The following PDZD8 variants were observed in gnomAD, a reference collection of about 807,000 sequenced individuals.
The protein encoded by PDZD8 is PDZ domain containing 8.
A neutral mutation model predicts 85.8 loss-of-function variants in PDZD8; 14 were observed. The ratio of observed to expected loss-of-function variants is 0.16; its 90% CI spans 0.11 to 0.26. The LOEUF is 0.26. Among genes scored for constraint, PDZD8 ranks in the 10% least tolerant of loss-of-function variants. The pLI, the probability that PDZD8 is intolerant of heterozygous loss-of-function variation, is 1.00. For synonymous variants in PDZD8, 592 were observed against 568.6 expected (o/e 1.04, Z -0.59); for missense variants, 1,197 against 1,424.3 (o/e 0.84, Z 2.57).
At chr10:117,333,121 A>AAAAAACAAAAC (rs1191675009) in intron 2 of PDZD8, among the ~76,000 whole-genome samples, 1 of 137,586 alleles carries the variant, frequency 7.3e-6, no homozygotes, top group African/African-American at 2.9e-5. Flanking sequence ...CTGTCTCAAA[A>AAAAAACAAAAC]AAAAAAAAAA....
chr10:117,343,072 C>T (rs1463854212), intron 1 of PDZD8, among the ~76,000 whole-genome samples: 1 of 59,702 alleles, frequency 1.7e-5, no homozygotes, highest in Non-Finnish European at 5.3e-5. Flanking sequence ...CTGCATCCAT[C>T]ATCCATACCT....
chr10:117,326,693 C>G (rs1307831820), intron 2 of PDZD8, among the ~76,000 whole-genome samples: 1 of 152,112 alleles, frequency 6.6e-6, no homozygotes, highest in Non-Finnish European at 1.5e-5. Context: ...ACTAGTGGTC[C>G]CTTGCATAGA....
At chr10:117,326,475 T>C (rs550926983) in intron 2 of PDZD8, among the ~76,000 whole-genome samples, 1 of 152,332 alleles carries the variant, frequency 6.6e-6, no homozygotes, top group South Asian at 2.1e-4. Flanking sequence ...TCACCTCTCT[T>C]AATGCCTTGC....
chr10:117,319,683 T>G (rs1221907813), intron 2 of PDZD8, among the ~76,000 whole-genome samples: 1 of 152,114 alleles, frequency 6.6e-6, no homozygotes, highest in Non-Finnish European at 1.5e-5. Flanking sequence ...CTGTTTAATA[T>G]TTAGATCTAA....
chr10:117,304,742 T>A (rs1843905996), intron 3 of PDZD8, among the ~76,000 whole-genome samples: 1 of 152,142 alleles, frequency 6.6e-6, no homozygotes, highest in Non-Finnish European at 1.5e-5. Flanking sequence ...GGTTTCTGCT[T>A]TTGCTTCTTC....
chr10:117,284,267 A>G lies in PDZD8; in HGVS notation c.2466T>C (p.Ser822=), dbSNP rs1220844093. Residue 822 remains serine, a synonymous_variant, in exon 5 of 5, where the codon TCT becomes TCC. Transcript: ENST00000334464. ...CAAATTGCTCCTCTTTAGGGAGAAC[A>G]GAAACTTCTTCAACCAAATGGGGTT... ...EKEPHLVEEV[S]VLPKEEQFVG... 5.0e-6 allele frequency: 8 copies of G among 1,614,180 alleles called. No homozygotes were observed. Among genetic ancestry groups the G allele is most frequent in the African/African-American group, 1.3e-5 (1 of 75,054 alleles).
intron 2 of PDZD8, among the ~76,000 whole-genome samples, chr10:117,336,738 T>A (rs1223535397): frequency 1.3e-5 from 2 of 151,662 alleles, no homozygotes; most frequent in East Asian, 3.9e-4. Context: ...ACCAAAATAA[T>A]TAAGGACAGT....
chr10:117,333,132 A>AAAAAAAC (rs1844457201), intron 2 of PDZD8, among the ~76,000 whole-genome samples: 2 of 148,930 alleles, frequency 1.3e-5, no homozygotes, highest in East Asian at 2.0e-4. Flanking sequence ...AAAAAAAAAA[A>AAAAAAAC]AAAAAAAAAA....
chr10:117,336,067 G>A (rs1157877855), intron 2 of PDZD8, among the ~76,000 whole-genome samples: 2 of 152,206 alleles, frequency 1.3e-5, no homozygotes, highest in Non-Finnish European at 2.9e-5. Flanking sequence ...TCTTGAAGAT[G>A]AGACCCAAGT....
intron 3 of PDZD8, among the ~76,000 whole-genome samples, chr10:117,292,587 T>C (rs113747578): frequency 0.21 from 31,494 of 151,808 alleles, 3,845 homozygotes; most frequent in Middle Eastern, 0.34. Flanking sequence ...TGTTTTTTTT[T>C]TTTGTTATTT....
chr10:117,340,568 CACCCACTTCAAG>C (rs1180828908), intron 2 of PDZD8, among the ~76,000 whole-genome samples: 2 of 152,216 alleles, frequency 1.3e-5, no homozygotes, highest in African/African-American at 4.8e-5. Context: ...CCCAATCTCT[CACCCACTTCAAG>C]ACCTCACTGC....
rs531357362 is a variant in PDZD8, at chr10:117,284,811, G to T, written c.1922C>A (p.Ala641Asp). 5 of 1,614,194 alleles carry T rather than the reference G, an allele frequency of 3.1e-6. No individual in the cohort carries two copies. The highest frequency in any genetic ancestry group is 4.2e-6 in the Non-Finnish European group (5 of 1,180,032). The part of the protein sequence containing the change: ...SAEKQAKNVD[A>D]IDDAAAPKQF... ...CTTAGGTGCAGCTGCATCGTCTATGGCATCCACATTTTTTGCTTGCTTTTC... is the reference window on the plus strand; with the variant it reads ...CTTAGGTGCAGCTGCATCGTCTATGTCATCCACATTTTTTGCTTGCTTTTC... Residue 641 changes from alanine to aspartate, a missense_variant, in exon 5 of 5, where the codon GCC becomes GAC. Transcript: ENST00000334464.
intron 1 of PDZD8, among the ~76,000 whole-genome samples, chr10:117,343,333 T>C (rs1310268511): frequency 6.6e-6 from 1 of 152,086 alleles, no homozygotes; most frequent in Non-Finnish European, 1.5e-5. Context: ...GTTTCTAAAC[T>C]AGTATGGAAA....
intron 2 of PDZD8, among the ~76,000 whole-genome samples, chr10:117,332,550 A>C (rs544642226): frequency 1.3e-3 from 169 of 126,304 alleles, no homozygotes; most frequent in Non-Finnish European, 2.2e-3. Flanking sequence ...CTTGTTGCCC[A>C]GGCTGGAGTG....
chr10:117,318,510 AAAGT>A (rs1844168722), intron 3 of PDZD8, among the ~76,000 whole-genome samples: 1 of 152,184 alleles, frequency 6.6e-6, no homozygotes, highest in South Asian at 2.1e-4. Context: ...TGCCCAGCAC[AAAGT>A]AAGTGCTCAT....
At chr10:117,305,656 G>T (rs1003036151) in intron 3 of PDZD8, among the ~76,000 whole-genome samples, 12 of 152,100 alleles carry the variant, frequency 7.9e-5, no homozygotes, top group African/African-American at 2.9e-4. Context: ...TTTCCTTTAA[G>T]TGTCATGTCG....
intron 2 of PDZD8, among the ~76,000 whole-genome samples, chr10:117,322,329 A>AC (rs1313065439): frequency 6.6e-6 from 1 of 151,596 alleles, no homozygotes; most frequent in Non-Finnish European, 1.5e-5. Flanking sequence ...GGTGCTGCTG[A>AC]CCCCCCTTTT....
At chr10:117,305,469 CAT>C (rs879906089) in intron 3 of PDZD8, among the ~76,000 whole-genome samples, 2,094 of 98,708 alleles carry the variant, frequency 0.021, 24 homozygotes, top group Non-Finnish European at 0.03. Flanking sequence ...TATACACACA[CAT>C]ACACACACAC....
intron 3 of PDZD8, among the ~76,000 whole-genome samples, chr10:117,311,933 C>T (rs1229301096): frequency 2.6e-5 from 4 of 151,522 alleles, no homozygotes; most frequent in Non-Finnish European, 2.9e-5. Flanking sequence ...CATGGTGCCA[C>T]GAAGGAGAAA....
Sources: allele counts gnomAD v4.1 joint callset (sites outside exome capture counted in the v4.1 genomes callset), GRCh38; gene constraint gnomAD v4.1.1; transcripts MANE v1.5; gene names NCBI Gene and HGNC (gene_info 2026-07-23, HGNC 2026-07-21).